Variants in CR1L observed in about 807,000 individuals in gnomAD.
CR1L encodes complement component receptor 1-like protein.
CR1L carries 59 observed loss-of-function variants against 62.3 expected under a neutral mutation model. The observed-to-expected ratio is 0.95, with a 90% confidence interval of 0.77 to 1.18. CR1L has a LOEUF of 1.18. Ranked by LOEUF, CR1L falls within the 50% of genes most tolerant of loss-of-function variation. CR1L has a pLI of 0.00. For synonymous variants in CR1L, 279 were observed against 248.7 expected (o/e 1.12, Z -1.15); for missense variants, 700 against 702.8 (o/e 1.00, Z 0.04).
In CR1L at chr1:207,676,407, T is replaced by G. The variant is rs372223247; in HGVS notation, c.98-982T>G. Among the ~76,000 whole-genome samples, 6 of 152,306 alleles carry G rather than the reference T, an allele frequency of 3.9e-5. No homozygotes were observed. The East Asian group carries it at 7.7e-4, about 20-fold the overall frequency. ...GCATTACTGCCTGAGCTCCACCTCC[T>G]GTCAGATCACTGGCAGCATTAGATT... On this transcript the variant is annotated intron_variant, in intron 1 of 11. Coordinates refer to ENST00000508064, the MANE Select transcript of CR1L (RefSeq NM_175710.2).
At position 207,718,821 on chromosome 1, in the gene CR1L, C is replaced by T. The variant is rs542741043; in HGVS notation, c.1642+1130C>T. Among the ~76,000 whole-genome samples, 867 of 150,806 alleles carry T rather than the reference C, an allele frequency of 5.7e-3. 5 individuals carry two copies. Among genetic ancestry groups the T allele is most frequent in the Non-Finnish European group, 7.5e-3 (504 of 67,626 alleles). ...GACACATGCACACGTATGTTTATTG[C>T]GGCATTATTCACAATAGCAAAGACT... On this transcript the variant is annotated intron_variant, in intron 11 of 11. Transcript: ENST00000508064.
intron 7 of CR1L, among the ~76,000 whole-genome samples, chr1:207,698,852 G>A (rs568433573): frequency 1.7e-4 from 26 of 152,254 alleles, no homozygotes; most frequent in Admixed American, 6.5e-4. Context: ...TCAGAGTTAC[G>A]AAGGCATTGC....
At chr1:207,700,579 A>C (rs1362759349) in intron 8 of CR1L, among the ~76,000 whole-genome samples, 2 of 152,274 alleles carry the variant, frequency 1.3e-5, no homozygotes, top group Admixed American at 6.5e-5. Context: ...AAAGCAAAGC[A>C]ATCTGAATCC....
intron 2 of CR1L, 64 bp downstream of exon 2, chr1:207,677,632 G>A (rs1490929431): frequency 5.2e-6 from 8 of 1,551,904 alleles, no homozygotes; most frequent in East Asian, 4.5e-5. Flanking sequence ...GATTCAATTT[G>A]TTCAAATTTT....
chr1:207,677,937 A>G (rs1663725206), intron 2 of CR1L, among the ~76,000 whole-genome samples: 1 of 152,232 alleles, frequency 6.6e-6, no homozygotes, highest in South Asian at 2.1e-4. Flanking sequence ...ATATCAGTTG[A>G]ATTGAATTAC....
At chr1:207,706,009 G>GTATATATATATATATATA (rs1375986857) in intron 9 of CR1L, among the ~76,000 whole-genome samples, 1 of 58,950 alleles carries the variant, frequency 1.7e-5, no homozygotes, top group Non-Finnish European at 3.3e-5. Flanking sequence ...ATGTGTGTGT[G>GTATATATATATATATATA]TATGTATATA....
intron 10 of CR1L, among the ~76,000 whole-genome samples, chr1:207,713,296 A>C (rs894421309): frequency 2.0e-5 from 3 of 152,246 alleles, no homozygotes; most frequent in African/African-American, 7.2e-5. Flanking sequence ...TTTGCCTCAT[A>C]ATAAGGCAAA....
rs367733513 is a variant in CR1L at position 207,684,979 on chromosome 1, T to C, written c.463+1022T>C. Reference sequence around the variant, plus strand: ...ATGACATTGGTCACACATTTATTGCTGTTTATCCACTTTAAGAAACAGTTT... The same window carrying C: ...ATGACATTGGTCACACATTTATTGCCGTTTATCCACTTTAAGAAACAGTTT... On this transcript the variant is annotated intron_variant, in intron 4 of 11. Coordinates refer to ENST00000508064, the MANE Select transcript of CR1L (RefSeq NM_175710.2). 2.7e-4 allele frequency among the ~76,000 whole-genome samples: 41 copies of C among 152,356 alleles called. No homozygotes were observed. In the East Asian group the frequency reaches 6.8e-3, roughly 25 times the overall value.
chr1:207,670,095 C>T (rs1476078251), intron 1 of CR1L, among the ~76,000 whole-genome samples: 2 of 151,004 alleles, frequency 1.3e-5, no homozygotes, highest in Non-Finnish European at 2.9e-5. Context: ...GGGCCTGTCC[C>T]CGAGTCCATT....
intron 9 of CR1L, among the ~76,000 whole-genome samples, chr1:207,707,434 T>G (rs1429872014): frequency 1.3e-5 from 2 of 152,058 alleles, no homozygotes; most frequent in East Asian, 1.9e-4. Flanking sequence ...TCAAGACCAG[T>G]CTGGCCAAAG....
chr1:207,714,041 G>T (rs1039510963), intron 10 of CR1L, among the ~76,000 whole-genome samples: 12 of 152,300 alleles, frequency 7.9e-5, no homozygotes, highest in African/African-American at 2.6e-4. Flanking sequence ...GCGTTTGGTG[G>T]GTCCTGAGTT....
intron 9 of CR1L, among the ~76,000 whole-genome samples, chr1:207,706,471 T>TAC (rs1348356016): frequency 6.6e-6 from 1 of 151,936 alleles, no homozygotes; most frequent in African/African-American, 2.4e-5. Flanking sequence ...GGATTCAAAT[T>TAC]ATGTATTAAA....
At chr1:207,695,388 C>T (rs1216087224) in intron 5 of CR1L, among the ~76,000 whole-genome samples, 2 of 152,154 alleles carry the variant, frequency 1.3e-5, no homozygotes, top group South Asian at 2.1e-4. Context: ...CCTGGGCCTC[C>T]CAAAGTGCTG....
chr1:207,672,448 T>TTAGTGCTGATATCAG lies in CR1L; in HGVS notation c.98-4939_98-4938insGTGCTGATATCAGTA, dbSNP rs1388795440. Among the ~76,000 whole-genome samples, 4 of 143,294 alleles carry TTAGTGCTGATATCAG rather than the reference T, an allele frequency of 2.8e-5. No homozygotes were observed. In the South Asian group the frequency reaches 8.4e-4, roughly 30 times the overall value. 94.0% of individuals were successfully genotyped at this position (143,294 alleles called of 152,430 possible). On this transcript the variant is annotated intron_variant, in intron 1 of 11. Coordinates refer to ENST00000508064, the MANE Select transcript of CR1L (RefSeq NM_175710.2). ...ATCATAGTTGGAGACTTCAGCACCT[T>TTAGTGCTGATATCAG]TATCTTTTCTGATATCAGAAAAGAT... is the stretch of plus-strand genomic sequence containing the variant.
intron 9 of CR1L, among the ~76,000 whole-genome samples, chr1:207,703,128 T>C (rs1664218094): frequency 6.6e-6 from 1 of 152,170 alleles, no homozygotes; most frequent in Non-Finnish European, 1.5e-5. Flanking sequence ...AGTGCTGACA[T>C]AGAAGCTGCA....
intron 8 of CR1L, among the ~76,000 whole-genome samples, chr1:207,701,246 T>A (rs1664186066): frequency 1.3e-5 from 2 of 152,206 alleles, no homozygotes; most frequent in South Asian, 4.1e-4. Context: ...AATAATGCCA[T>A]AAATGACCTT....
chr1:207,666,180 AC>A (rs1663521718), intron 1 of CR1L, among the ~76,000 whole-genome samples: 1 of 152,186 alleles, frequency 6.6e-6, no homozygotes, highest in South Asian at 2.1e-4. Flanking sequence ...CAACTCCAGC[AC>A]TGGAAACAAT....
intron 4 of CR1L, among the ~76,000 whole-genome samples, chr1:207,685,469 C>G (rs72644193): frequency 0.099 from 15,134 of 152,278 alleles, 1,193 homozygotes; most frequent in East Asian, 0.38. Context: ...TCGGCTATCC[C>G]TCTACTTCGG....
chr1:207,681,815 T>A (rs2102460702), intron 3 of CR1L, among the ~76,000 whole-genome samples: 1 of 152,310 alleles, frequency 6.6e-6, no homozygotes, highest in South Asian at 2.1e-4. Context: ...AATATAGGAT[T>A]GCAGACTTGT....
Sources: gnomAD v4.1 joint callset for allele counts (sites outside exome capture counted in the v4.1 genomes callset) on GRCh38, gnomAD v4.1.1 for gene constraint, MANE v1.5 for transcripts, NCBI Gene and HGNC (gene_info 2026-07-23, HGNC 2026-07-21) for gene names.